TBC1D32: variants seen among roughly 807,000 people sequenced by gnomAD.
TBC1D32 encodes protein broad-minded.
TBC1D32 carries 151 observed loss-of-function variants against 170.3 expected under a neutral mutation model. That is an observed-to-expected ratio of 0.89 (90% confidence interval 0.78 to 1.01). The LOEUF is 1.01. TBC1D32 is among the 50% of genes least tolerant of loss of function. The pLI is 0.00. For synonymous variants in TBC1D32, 498 were observed against 488.0 expected (o/e 1.02, Z -0.27); for missense variants, 1,464 against 1,457.1 (o/e 1.00, Z -0.08).
intron 9 of TBC1D32, among the ~76,000 whole-genome samples, chr6:121,300,083 T>C (rs1380254163): frequency 6.6e-6 from 1 of 152,128 alleles, no homozygotes; most frequent in Non-Finnish European, 1.5e-5. Flanking sequence ...AAACTATAAA[T>C]ATTGTTTAGC....
intron 30 of TBC1D32, among the ~76,000 whole-genome samples, chr6:121,101,401 G>C (rs1252699113): frequency 1.3e-5 from 2 of 152,032 alleles, no homozygotes; most frequent in African/African-American, 4.8e-5. Flanking sequence ...GATCAAGTGG[G>C]CTTCATCCAT....
At chr6:121,191,793 G>T (rs1790080993) in intron 22 of TBC1D32, among the ~76,000 whole-genome samples, 1 of 152,040 alleles carries the variant, frequency 6.6e-6, no homozygotes, top group South Asian at 2.1e-4. Context: ...TTGAGTCAGT[G>T]GGCTGGGAAA....
At chr6:121,323,463 C>T (rs1284615846) in intron 1 of TBC1D32, among the ~76,000 whole-genome samples, 8 of 152,174 alleles carry the variant, frequency 5.3e-5, no homozygotes, top group Admixed American at 2.6e-4. Context: ...CATAATGCCT[C>T]AATAAATATT....
At chr6:121,316,700 C>T (rs1563375542) in intron 3 of TBC1D32, among the ~76,000 whole-genome samples, 1 of 152,156 alleles carries the variant, frequency 6.6e-6, no homozygotes, top group Non-Finnish European at 1.5e-5. Flanking sequence ...CATGCAGTCC[C>T]AACTTGACCA....
intron 10 of TBC1D32, among the ~76,000 whole-genome samples, chr6:121,297,798 T>C (rs1805884855): frequency 6.6e-6 from 1 of 152,130 alleles, no homozygotes; most frequent in Admixed American, 6.6e-5. Flanking sequence ...GTTTCTCATT[T>C]ACTCTAGTCT....
intron 10 of TBC1D32, among the ~76,000 whole-genome samples, chr6:121,299,089 T>C (rs939297416): frequency 1.4e-4 from 21 of 152,128 alleles, no homozygotes; most frequent in African/African-American, 4.3e-4. Context: ...TAATTTTCAC[T>C]GAAAAACATG....
chr6:121,175,380 A>T (rs1787627492), intron 22 of TBC1D32, among the ~76,000 whole-genome samples: 1 of 152,200 alleles, frequency 6.6e-6, no homozygotes, highest in Non-Finnish European at 1.5e-5. Flanking sequence ...TTAGGGAATG[A>T]GTAAATCTAA....
At chr6:121,263,991 A>AT (rs1800114314) in intron 15 of TBC1D32, among the ~76,000 whole-genome samples, 1 of 152,186 alleles carries the variant, frequency 6.6e-6, no homozygotes, top group Non-Finnish European at 1.5e-5. Flanking sequence ...AGCTAGAAAG[A>AT]TCTCAAATCG....
At chr6:121,183,258 A>G (rs1462462198) in intron 22 of TBC1D32, among the ~76,000 whole-genome samples, 1 of 152,132 alleles carries the variant, frequency 6.6e-6, no homozygotes, top group Non-Finnish European at 1.5e-5. Flanking sequence ...TCCCTATTTC[A>G]TACAATGCTA....
intron 26 of TBC1D32, among the ~76,000 whole-genome samples, chr6:121,126,048 A>G (rs886906005): frequency 2.0e-5 from 3 of 152,234 alleles, no homozygotes; most frequent in South Asian, 2.1e-4. Context: ...GAAATCATCA[A>G]TATATGAGAG....
rs1775555123 is a variant in TBC1D32, at chr6:121,080,743, C to A, written c.*28G>T. 6.3e-7 allele frequency: 1 copy of A among 1,590,242 alleles called. No individual in the cohort carries two copies. On this transcript the variant is annotated 3_prime_UTR_variant, in exon 32 of 32. Coordinates refer to ENST00000398212, the MANE Select transcript of TBC1D32 (RefSeq NM_152730.6). ...CTGCTGTGTTTAAAAATAAATAAAA[C>A]CTAAATTTAAACCGTGTGTCTCATG...
intron 31 of TBC1D32, among the ~76,000 whole-genome samples, chr6:121,085,570 A>C (rs769485653): frequency 1.3e-5 from 2 of 151,760 alleles, no homozygotes; most frequent in Non-Finnish European, 2.9e-5. Context: ...CAAAGGTCAC[A>C]GTTTTATGTA....
chr6:121,304,984 G>A, intron 5 of TBC1D32, 151 bp from the exon 6 acceptor site: 1 of 618,080 alleles, frequency 1.6e-6, no homozygotes, highest in Non-Finnish European at 2.8e-6. Context: ...TTTAAAAAGG[G>A]CACACTCTGT....
chr6:121,138,676 A>C (rs532273274), intron 24 of TBC1D32, among the ~76,000 whole-genome samples: 1 of 152,298 alleles, frequency 6.6e-6, no homozygotes, highest in East Asian at 1.9e-4. Flanking sequence ...AAGCATGAGA[A>C]AATGCCTGAC....
At chr6:121,119,680 C>A (rs1026657125) in intron 26 of TBC1D32, among the ~76,000 whole-genome samples, 1 of 152,048 alleles carries the variant, frequency 6.6e-6, no homozygotes, top group Admixed American at 6.6e-5. Flanking sequence ...TGGAAAGATA[C>A]CTATATGAAT....
chr6:121,085,277 G>C (rs965726759), intron 31 of TBC1D32, among the ~76,000 whole-genome samples: 1 of 94,874 alleles, frequency 1.1e-5, no homozygotes, highest in Non-Finnish European at 1.8e-5. Flanking sequence ...ACATATATAC[G>C]TATATATATA....
intron 22 of TBC1D32, among the ~76,000 whole-genome samples, chr6:121,185,558 CCAGATTGCCATAGG>C (rs1206567408): frequency 6.6e-6 from 1 of 152,028 alleles, no homozygotes; most frequent in Non-Finnish European, 1.5e-5. Flanking sequence ...TACTGAACAT[CCAGATTGCCATAGG>C]CAGAGACCAA....
chr6:121,255,782 C>G (rs1302913060), intron 16 of TBC1D32, among the ~76,000 whole-genome samples: 1 of 152,006 alleles, frequency 6.6e-6, no homozygotes, highest in African/African-American at 2.4e-5. Context: ...CTAAAAATTA[C>G]TTTAAAATAA....
chr6:121,110,031 C>T (rs1779052668), intron 29 of TBC1D32, among the ~76,000 whole-genome samples: 1 of 151,838 alleles, frequency 6.6e-6, no homozygotes, highest in African/African-American at 2.4e-5. Flanking sequence ...GCTGGCAGAG[C>T]ACGAAGTCAG....
Sources: allele counts gnomAD v4.1 joint callset (sites outside exome capture counted in the v4.1 genomes callset), GRCh38; gene constraint gnomAD v4.1.1; transcripts MANE v1.5; gene names NCBI Gene and HGNC (gene_info 2026-07-23, HGNC 2026-07-21).